Variants in TET2 observed in about 807,000 individuals in gnomAD.
TET2 encodes the protein methylcytosine dioxygenase TET2.
A neutral mutation model predicts 142.9 loss-of-function variants in TET2; 299 were observed. The observed-to-expected ratio is 2.09, with a 90% CI of 1.90 to 2.30. The LOEUF (loss-of-function observed/expected upper bound fraction) is 2.30. TET2 is among the 30% of genes most tolerant of loss of function. The probability of loss-of-function intolerance (pLI) is 0.00; values close to 1 mark genes in which losing one functional copy is unlikely to be tolerated. For missense variants in TET2, 2,418 were observed against 2,378.0 expected, an observed-to-expected ratio of 1.02 and a Z score of -0.35; for synonymous variants, 819 against 849.0, an observed-to-expected ratio of 0.96 and a Z score of 0.61.
Position 105,270,586 on chromosome 4 carries a change from G to A in TET2, c.4182+839G>A, listed in dbSNP as rs564886582. Reference sequence around the variant, plus strand: ...GGTAACCTATTGTAAAAGATTCACAGTGCAAAAGAGCCTGACTACATATTA... The same window carrying A: ...GGTAACCTATTGTAAAAGATTCACAATGCAAAAGAGCCTGACTACATATTA... On this transcript the variant is annotated intron_variant, in intron 9 of 10. Transcript: ENST00000380013. Among the ~76,000 whole-genome samples the A allele has an allele frequency of 6.1e-4, 93 of 152,188 alleles. 1 individual carries two copies. The South Asian group carries it at 0.018, about 30-fold the overall frequency.
At chr4:105,232,236 ATGTAACACT>A (rs1728551152) in intron 2 of TET2, among the ~76,000 whole-genome samples, 1 of 152,204 alleles carries the variant, frequency 6.6e-6, no homozygotes, top group Non-Finnish European at 1.5e-5. Context: ...CATGGTGTAT[ATGTAACACT>A]TTCTTTATCC....
chr4:105,169,716 G>A (rs760111700), intron 1 of TET2, among the ~76,000 whole-genome samples: 20 of 152,096 alleles, frequency 1.3e-4, no homozygotes, highest in Non-Finnish European at 2.4e-4. Flanking sequence ...GTTTCAGCAC[G>A]TAGATTTAAG....
intron 6 of TET2, among the ~76,000 whole-genome samples, chr4:105,255,733 A>T (rs1426002607): frequency 6.6e-6 from 1 of 152,122 alleles, no homozygotes; most frequent in African/African-American, 2.4e-5. Flanking sequence ...GATATCGTAT[A>T]GTTAAATCTT....
intron 1 of TET2, among the ~76,000 whole-genome samples, chr4:105,158,174 C>A (rs536199130): frequency 3.0e-4 from 46 of 152,192 alleles, no homozygotes; most frequent in African/African-American, 1.1e-3. Context: ...TTTAAAGACA[C>A]TTCTTGGGTT....
Position 105,235,586 on chromosome 4 carries a change from A to G in TET2, c.1644A>G (p.Gln548=), listed in dbSNP as rs768169533. Residue 548 remains glutamine, a synonymous_variant, in exon 3 of 11, where the codon CAA becomes CAG. Transcript: ENST00000380013. ...TTCTGAAGGGTCGAGACAAGGAGCAAACACGAGATCTTGTGCCCCCAACAC... is the reference window on the plus strand; with the variant it reads ...TTCTGAAGGGTCGAGACAAGGAGCAGACACGAGATCTTGTGCCCCCAACAC... ...QEILKGRDKE[Q]TRDLVPPTQH... The G allele has an allele frequency of 6.2e-7, 1 of 1,614,188 alleles. No homozygotes were observed. The highest frequency in any genetic ancestry group is 2.2e-5 in the East Asian group (1 of 44,888).
intron 1 of TET2, among the ~76,000 whole-genome samples, chr4:105,158,560 C>T (rs150074471): frequency 2.0e-3 from 300 of 152,086 alleles, no homozygotes; most frequent in African/African-American, 7.0e-3. Context: ...TAAATTATAA[C>T]TTTGTAAATC....
intron 1 of TET2, among the ~76,000 whole-genome samples, chr4:105,153,641 T>C (rs1287492833): frequency 6.6e-6 from 1 of 152,240 alleles, no homozygotes; most frequent in Non-Finnish European, 1.5e-5. Context: ...CCAGTGAGGT[T>C]AAATAACTTC....
rs1207114499 is a variant in TET2 at position 105,190,471 on chromosome 4, T to C, written c.-81T>C. ...GGGCTCAGCAGCAGCCAATAGGACA[T>C]GATCCAGGAAGAGCAGTAAGGGACT... On this transcript the variant is annotated 5_prime_UTR_variant, in exon 2 of 11. It removes an upstream start codon present in the reference 5' UTR. Transcript: ENST00000380013. The C allele has an allele frequency of 4.3e-6, 3 of 702,060 alleles. No homozygotes were observed. Among genetic ancestry groups the C allele is most frequent in the Non-Finnish European group, 7.8e-6 (3 of 384,766 alleles). The allele number at this position is 702,060 out of a possible 1,614,324, so 43.5% of individuals were successfully genotyped here.
intron 2 of TET2, among the ~76,000 whole-genome samples, chr4:105,215,738 T>A (rs1409053562): frequency 2.0e-5 from 3 of 152,160 alleles, no homozygotes; most frequent in African/African-American, 7.2e-5. Flanking sequence ...TTTTACCATC[T>A]CTTCATGCTA....
chr4:105,147,211 T>C (rs1485879054), intron 1 of TET2, among the ~76,000 whole-genome samples: 1 of 152,258 alleles, frequency 6.6e-6, no homozygotes, highest in Admixed American at 6.5e-5. Context: ...CTCCTCCTAA[T>C]GCTCGTCCCC....
In TET2 at chr4:105,238,013, A is replaced by G. The variant is rs533005041; in HGVS notation, c.3409+662A>G. On this transcript the variant is annotated intron_variant, in intron 3 of 10. Transcript: ENST00000380013. ...TCAGAGATATTGTGGGTTTGGCTCC[A>G]TACCACAATAAAATGAATATTACAA... 6 of 745,236 alleles carry G rather than the reference A, an allele frequency of 8.1e-6. No homozygotes were observed. In the South Asian group the frequency reaches 3.8e-4, roughly 47 times the overall value. The allele number at this position is 745,236 out of a possible 1,614,324, so 46.2% of individuals were successfully genotyped here.
At chr4:105,243,072 T>C (rs939309199) in intron 5 of TET2, 145 bp downstream of exon 5, 2 of 705,322 alleles carry the variant, frequency 2.8e-6, no homozygotes, top group African/African-American at 2.0e-5. Flanking sequence ...GTGTTATCTC[T>C]TAAGAAGAGG....
intron 2 of TET2, among the ~76,000 whole-genome samples, chr4:105,229,900 A>G (rs1212428749): frequency 1.3e-5 from 2 of 152,110 alleles, no homozygotes; most frequent in Non-Finnish European, 2.9e-5. Flanking sequence ...TAATTTTAAT[A>G]GCTACATGGT....
chr4:105,262,702 A>C (rs1164616944), intron 8 of TET2, among the ~76,000 whole-genome samples: 1 of 151,892 alleles, frequency 6.6e-6, no homozygotes, highest in Non-Finnish European at 1.5e-5. Flanking sequence ...ATCAACATGG[A>C]GAAACCCTGT....
At position 105,236,247 on chromosome 4, in the gene TET2, C is replaced by T. The variant is rs751233117; in HGVS notation, c.2305C>T (p.Gln769Ter). 3 of 1,614,056 alleles carry T rather than the reference C, an allele frequency of 1.9e-6. No homozygotes were observed. Among genetic ancestry groups the T allele is most frequent in the Non-Finnish European group, 2.5e-6 (3 of 1,179,992 alleles). ...TCCTCACCCCCAAAGCAACAATGAT[C>T]AGCAAAGAGAAGGATCATTCTTTGG... is the stretch of plus-strand genomic sequence containing the variant. ...TFPHPQSNND[Q>*]QREGSFFGQT... Residue 769 changes from glutamine (Q) to a stop codon, truncating the protein, a stop_gained, in exon 3 of 11, where the codon CAG (glutamine) becomes TAG (stop). Coordinates refer to ENST00000380013, the MANE Select transcript of TET2 (RefSeq NM_001127208.3). LOFTEE classifies it high-confidence loss of function.
upstream of TET2, chr4:105,146,815 A>T (rs527576133): frequency 1.3e-5 from 2 of 152,274 alleles, no homozygotes; most frequent in South Asian, 2.1e-4. Context: ...GGCCCCGCTG[A>T]GTGATGAGAA....
At chr4:105,209,176 C>A (rs1727017159) in intron 2 of TET2, among the ~76,000 whole-genome samples, 1 of 147,652 alleles carries the variant, frequency 6.8e-6, no homozygotes, top group African/African-American at 2.5e-5. Context: ...TATCCATTCA[C>A]TTTTGGTGTG....
At position 105,155,858 on chromosome 4, in the gene TET2, A is replaced by G. The variant is rs151151557; in HGVS notation, c.-193+8879A>G. 1.9e-3 allele frequency among the ~76,000 whole-genome samples: 289 copies of G among 152,336 alleles called. 1 individual carries two copies. Among genetic ancestry groups the G allele is most frequent in the South Asian group, 8.3e-3 (40 of 4,824 alleles). On this transcript the variant is annotated intron_variant, in intron 1 of 10. Transcript: ENST00000380013. ...TAACTATAGAATTTTACTTTTTAAGAGTATGATCATAGCATCTACTTGTAG... is the reference window on the plus strand; with the variant it reads ...TAACTATAGAATTTTACTTTTTAAGGGTATGATCATAGCATCTACTTGTAG...
chr4:105,203,548 C>A (rs1726603161), intron 2 of TET2, among the ~76,000 whole-genome samples: 1 of 151,368 alleles, frequency 6.6e-6, no homozygotes, highest in South Asian at 2.1e-4. Flanking sequence ...CAATACATTA[C>A]ATTTTGTATA....
Sources: gnomAD v4.1 joint callset for allele counts (sites outside exome capture counted in the v4.1 genomes callset) on GRCh38, gnomAD v4.1.1 for gene constraint, MANE v1.5 for transcripts, NCBI Gene and HGNC (gene_info 2026-07-23, HGNC 2026-07-21) for gene names.